Variants in PADI1 observed in about 807,000 individuals in gnomAD.
The protein encoded by PADI1 is protein-arginine deiminase type-1.
In PADI1, 65 loss-of-function variants were observed where a neutral mutation model predicts 74.8. That is an observed-to-expected ratio of 0.87 (90% CI 0.71 to 1.07). PADI1 has a LOEUF of 1.07. Among genes scored for constraint, PADI1 ranks in the 50% least tolerant of loss-of-function variants. The pLI, the probability that PADI1 is intolerant of heterozygous loss-of-function variation, is 0.00. For synonymous variants in PADI1, 371 were observed against 336.2 expected (o/e 1.10, Z -1.13); for missense variants, 943 against 854.0 (o/e 1.10, Z -1.30).
intron 11 of PADI1, among the ~76,000 whole-genome samples, chr1:17,233,986 C>T (rs894950379): frequency 6.6e-6 from 1 of 152,226 alleles, no homozygotes; most frequent in Non-Finnish European, 1.5e-5. Context: ...ACTGTGTGGG[C>T]TGTTCTACCC....
At chr1:17,221,244 C>T (rs2100441387) in intron 1 of PADI1, among the ~76,000 whole-genome samples, 1 of 152,198 alleles carries the variant, frequency 6.6e-6, no homozygotes, top group East Asian at 1.9e-4. Flanking sequence ...TTATTGGGCA[C>T]CTACACCTAC....
rs146197780 is a variant in PADI1, at chr1:17,222,378, G to A, written c.181G>A (p.Glu61Lys). Reference sequence around the variant, plus strand: ...GGTCTACAACCGCACACGTGTGAAAGAGCCCATAGGCAAGGCCCGTTGGCC... The same window carrying A: ...GGTCTACAACCGCACACGTGTGAAAAAGCCCATAGGCAAGGCCCGTTGGCC... ...FMVYNRTRVK[E>K]PIGKARWPLD... Residue 61 changes from glutamate (E) to lysine (K), a missense_variant, in exon 2 of 16, where the codon GAG (glutamate) becomes AAG (lysine). Transcript: ENST00000375471. 61 of 1,613,974 alleles carry A rather than the reference G, an allele frequency of 3.8e-5. No homozygotes were observed. The African/African-American group carries it at 7.2e-4, about 19-fold the overall frequency.
At chr1:17,219,678 G>C (rs1259760033) in intron 1 of PADI1, among the ~76,000 whole-genome samples, 3 of 152,074 alleles carry the variant, frequency 2.0e-5, no homozygotes, top group African/African-American at 7.2e-5. Flanking sequence ...GTGTGCAAAG[G>C]TGTCCCTGTA....
At chr1:17,243,930 C>A in intron 15 of PADI1, 80 bp from the exon 16 acceptor site, 1 of 986,412 alleles carries the variant, frequency 1.0e-6, no homozygotes, top group South Asian at 1.5e-5. Context: ...CAGGGCCTGT[C>A]TCATTCTGGC....
At chr1:17,239,372 T>C (rs1490465080) in intron 13 of PADI1, among the ~76,000 whole-genome samples, 1 of 152,204 alleles carries the variant, frequency 6.6e-6, no homozygotes. Flanking sequence ...TAGATGATAA[T>C]TAATCCCTCC....
At chr1:17,219,648 G>A (rs886993004) in intron 1 of PADI1, among the ~76,000 whole-genome samples, 1 of 152,110 alleles carries the variant, frequency 6.6e-6, no homozygotes, top group Admixed American at 6.5e-5. Flanking sequence ...TGGCACCCTC[G>A]AGATGAGGAC....
At chr1:17,227,533 A>ATAAG (rs1216521476) in intron 6 of PADI1, among the ~76,000 whole-genome samples, 1 of 33,104 alleles carries the variant, frequency 3.0e-5, no homozygotes, top group African/African-American at 8.2e-5. Context: ...CCTGTCTCAA[A>ATAAG]TAAATAAATA....
chr1:17,233,838 A>C (rs184259512), intron 11 of PADI1, among the ~76,000 whole-genome samples: 2 of 152,316 alleles, frequency 1.3e-5, no homozygotes, highest in African/African-American at 4.8e-5. Flanking sequence ...GCAGCCTCAG[A>C]GCTCTGGATC....
chr1:17,210,610 C>A (rs2071809609), intron 1 of PADI1, among the ~76,000 whole-genome samples: 1 of 152,012 alleles, frequency 6.6e-6, no homozygotes, highest in South Asian at 2.1e-4. Flanking sequence ...CAAGCAATGA[C>A]AGGGCATAAG....
At position 17,237,323 on chromosome 1, in the gene PADI1, G is replaced by A. The variant is rs769984298; in HGVS notation, c.1323G>A (p.Gly441=). The change falls in exon 12 of 16, where the codon GGG becomes GGA. Residue 441 remains glycine (G), a synonymous_variant. Transcript: ENST00000375471. ...LIGSSFPKSG[G]RQMARAVRNF... is the part of the protein sequence containing the mutation. Reference sequence around the variant, plus strand: ...TCTCCCTCCTGGCCAGGTCCGGTGGGCGGCAGATGGCCAGGGCAGTGCGGA... The same window carrying A: ...TCTCCCTCCTGGCCAGGTCCGGTGGACGGCAGATGGCCAGGGCAGTGCGGA... 2 of 1,608,616 alleles carry A rather than the reference G, an allele frequency of 1.2e-6. No homozygotes were observed. Among genetic ancestry groups the A allele is most frequent in the African/African-American group, 2.7e-5 (2 of 74,730 alleles).
At chr1:17,224,028 G>A (rs541876625) in intron 3 of PADI1, among the ~76,000 whole-genome samples, 8 of 152,266 alleles carry the variant, frequency 5.3e-5, no homozygotes, top group Non-Finnish European at 1.0e-4. Context: ...CAGGGTCAAT[G>A]TAACGGCAGA....
At chr1:17,237,882 G>C (rs866673028) in intron 12 of PADI1, among the ~76,000 whole-genome samples, 1 of 152,134 alleles carries the variant, frequency 6.6e-6, no homozygotes, top group South Asian at 2.1e-4. Context: ...TTCAAATCCG[G>C]GTTCTGGGCC....
chr1:17,229,142 G>A (rs187214740), intron 8 of PADI1, 91 bp downstream of exon 8: 33 of 795,898 alleles, frequency 4.1e-5, no homozygotes, highest in East Asian at 2.1e-4. Context: ...CACTCACACC[G>A]ACGGATTCAT....
intron 2 of PADI1, among the ~76,000 whole-genome samples, chr1:17,223,011 A>T (rs1432719076): frequency 6.6e-6 from 1 of 152,082 alleles, no homozygotes; most frequent in African/African-American, 2.4e-5. Context: ...GCAGGGATAA[A>T]GCAGCTGTTG....
In PADI1 at chr1:17,228,611, C is replaced by G. The variant is rs1428544406; in HGVS notation, c.653-14C>G. ...CCTGTCTCCTCGCTAGCCCCTGACT[C>G]TTGTTCTTCCTAGGTGGGAATTCTC... On this transcript the variant is annotated splice_polypyrimidine_tract_variant and intron_variant, in intron 6 of 15. Coordinates refer to ENST00000375471, the MANE Select transcript of PADI1 (RefSeq NM_013358.3). 11 of 1,613,982 alleles carry G rather than the reference C, an allele frequency of 6.8e-6. No individual in the cohort carries two copies. The African/African-American group carries it at 1.5e-4, about 22-fold the overall frequency.
intron 7 of PADI1, 36 bp from the exon 8 acceptor site, chr1:17,228,912 C>T (rs2072403918): frequency 6.4e-7 from 1 of 1,570,786 alleles, no homozygotes. Flanking sequence ...GCTAGGGGTC[C>T]CTGCAGGGCC....
chr1:17,227,530 CAAATAAATAAATAAATAAATAAATAAAT>C (rs56966982), intron 6 of PADI1, among the ~76,000 whole-genome samples: 9 of 138,294 alleles, frequency 6.5e-5, no homozygotes, highest in Non-Finnish European at 3.1e-5. Context: ...GACCCTGTCT[CAAATAAATAAATAAATAAATAAATAAAT>C]AAATAAATAA....
chr1:17,220,405 G>A (rs946545769), intron 1 of PADI1, among the ~76,000 whole-genome samples: 1 of 152,114 alleles, frequency 6.6e-6, no homozygotes, highest in East Asian at 1.9e-4. Context: ...TTTTTTAGGG[G>A]TCCAGGAAAG....
chr1:17,220,854 AC>A (rs888322143), intron 1 of PADI1, among the ~76,000 whole-genome samples: 1 of 152,208 alleles, frequency 6.6e-6, no homozygotes, highest in African/African-American at 2.4e-5. Context: ...ATGAGATGCC[AC>A]CCACAGAGGC....
Sources: allele counts gnomAD v4.1 joint callset (sites outside exome capture counted in the v4.1 genomes callset), GRCh38; gene constraint gnomAD v4.1.1; transcripts MANE v1.5; gene names NCBI Gene and HGNC (gene_info 2026-07-23, HGNC 2026-07-21).